Variants in NPSR1 observed in about 807,000 individuals in gnomAD.
NPSR1 encodes the protein neuropeptide S receptor 1.
NPSR1 carries 48 observed loss-of-function variants against 46.9 expected under a neutral mutation model. That is an observed-to-expected ratio of 1.02 (90% CI 0.81 to 1.30). The LOEUF (loss-of-function observed/expected upper bound fraction) is 1.30. NPSR1 is among the 50% of genes most tolerant of loss of function. The pLI is 0.00. For missense variants in NPSR1, 450 were observed against 449.5 expected, an observed-to-expected ratio of 1.00 and a Z score of -0.01; for synonymous variants, 176 against 168.1, an observed-to-expected ratio of 1.05 and a Z score of -0.36.
chr7:34,787,348 A>G lies in NPSR1; in HGVS notation c.384+8783A>G, dbSNP rs1323419997. 3.3e-5 allele frequency among the ~76,000 whole-genome samples: 5 copies of G among 152,236 alleles called. No homozygotes were observed. In the East Asian group the frequency reaches 9.6e-4, roughly 29 times the overall value. On this transcript the variant is annotated intron_variant, in intron 3 of 8. Coordinates refer to ENST00000360581, the MANE Select transcript of NPSR1 (RefSeq NM_207172.2). ...TCATAGAGGTGAAGAGAGTTTAAGAACTTGTTCTGGATTAGGCTTTGGCTT... is the reference window on the plus strand; with the variant it reads ...TCATAGAGGTGAAGAGAGTTTAAGAGCTTGTTCTGGATTAGGCTTTGGCTT...
intron 2 of NPSR1, among the ~76,000 whole-genome samples, chr7:34,691,183 G>A (rs1183561943): frequency 1.3e-5 from 2 of 152,136 alleles, no homozygotes; most frequent in Admixed American, 1.3e-4. Flanking sequence ...AATGCTAAGG[G>A]AATTTGTCAA....
chr7:34,693,145 T>C (rs1171905086), intron 2 of NPSR1, among the ~76,000 whole-genome samples: 2 of 152,086 alleles, frequency 1.3e-5, no homozygotes, highest in African/African-American at 4.8e-5. Flanking sequence ...TGCCTTCCAT[T>C]ATGATTGTAA....
chr7:34,689,937 C>T (rs1409592943), intron 2 of NPSR1, among the ~76,000 whole-genome samples: 1 of 150,152 alleles, frequency 6.7e-6, no homozygotes, highest in Non-Finnish European at 1.5e-5. Flanking sequence ...AAAGTGGGAC[C>T]CTGTCTCTAA....
intron 2 of NPSR1, among the ~76,000 whole-genome samples, chr7:34,698,374 T>G (rs1233969703): frequency 6.6e-6 from 1 of 152,212 alleles, no homozygotes; most frequent in African/African-American, 2.4e-5. Context: ...GGGCAGGGGT[T>G]GCAATCTCAA....
At chr7:34,824,869 C>T (rs1330777846) in intron 4 of NPSR1, among the ~76,000 whole-genome samples, 2 of 152,058 alleles carry the variant, frequency 1.3e-5, no homozygotes, top group Non-Finnish European at 2.9e-5. Context: ...TTCACACCCC[C>T]ACCATCAAGA....
At chr7:34,870,903 A>ATGGATGGATGG (rs1562780718) in intron 8 of NPSR1, among the ~76,000 whole-genome samples, 1 of 120,858 alleles carries the variant, frequency 8.3e-6, no homozygotes, top group African/African-American at 3.3e-5. Flanking sequence ...TGGATGGATG[A>ATGGATGGATGG]ATGGATGGAT....
At chr7:34,689,954 T>TA (rs1793162966) in intron 2 of NPSR1, among the ~76,000 whole-genome samples, 31 of 135,372 alleles carry the variant, frequency 2.3e-4, no homozygotes, top group African/African-American at 8.4e-4. Flanking sequence ...CTAAAAAAAA[T>TA]TAAAAAAAAA....
At chr7:34,790,892 ATATGT>A (rs1423421665) in intron 3 of NPSR1, among the ~76,000 whole-genome samples, 2 of 106,826 alleles carry the variant, frequency 1.9e-5, no homozygotes, top group East Asian at 2.7e-4. Context: ...TATATATCAT[ATATGT>A]TATATGTTAT....
At chr7:34,796,401 C>T (rs1163889325) in intron 3 of NPSR1, among the ~76,000 whole-genome samples, 1 of 151,972 alleles carries the variant, frequency 6.6e-6, no homozygotes, top group Non-Finnish European at 1.5e-5. Flanking sequence ...AAACCACAGA[C>T]TAAAGAGAAT....
At chr7:34,677,451 A>G (rs1792375696) in intron 1 of NPSR1, among the ~76,000 whole-genome samples, 1 of 152,218 alleles carries the variant, frequency 6.6e-6, no homozygotes, top group African/African-American at 2.4e-5. Context: ...CCAATGCAAA[A>G]CTACCCTGAG....
Position 34,737,945 on chromosome 7 carries a change from C to T in NPSR1, c.281-40517C>T, listed in dbSNP as rs1292017822. 2.0e-5 allele frequency among the ~76,000 whole-genome samples: 3 copies of T among 152,134 alleles called. No homozygotes were observed. The East Asian group carries it at 5.8e-4, about 29-fold the overall frequency. On this transcript the variant is annotated intron_variant, in intron 2 of 8. Transcript: ENST00000360581. Reference sequence around the variant, plus strand: ...CACAGACTATGTTTACTGCCTATATCCCACCACCGGAATGGAAACTCTGTC... The same window carrying T: ...CACAGACTATGTTTACTGCCTATATTCCACCACCGGAATGGAAACTCTGTC...
At chr7:34,658,630 T>C (rs1257349666) in intron 1 of NPSR1, 71 bp downstream of exon 1, 3 of 1,442,800 alleles carry the variant, frequency 2.1e-6, no homozygotes, top group Admixed American at 1.8e-5. Flanking sequence ...AGAGTGTCAA[T>C]TGAAGTATCA....
chr7:34,701,833 A>T (rs546196427), intron 2 of NPSR1, among the ~76,000 whole-genome samples: 1 of 152,346 alleles, frequency 6.6e-6, no homozygotes, highest in African/African-American at 2.4e-5. Flanking sequence ...CATGACCCAC[A>T]TCTTGAAAAC....
downstream of NPSR1, among the ~76,000 whole-genome samples, chr7:34,850,211 A>G (rs1455087878): frequency 6.6e-6 from 1 of 152,202 alleles, no homozygotes; most frequent in Non-Finnish European, 1.5e-5. Context: ...GTGTGCTGGC[A>G]GCAGCCAAGT....
chr7:34,669,484 G>T (rs1372790874), intron 1 of NPSR1, among the ~76,000 whole-genome samples: 1 of 151,786 alleles, frequency 6.6e-6, no homozygotes, highest in East Asian at 1.9e-4. Context: ...CAGGAGAATT[G>T]CTTGATCCCG....
At chr7:34,725,581 GTAGT>G (rs1261874309) in intron 2 of NPSR1, among the ~76,000 whole-genome samples, 3 of 152,186 alleles carry the variant, frequency 2.0e-5, no homozygotes, top group African/African-American at 7.2e-5. Context: ...AACTGCTCCT[GTAGT>G]TAAGAACATA....
chr7:34,760,963 G>C (rs967323837), intron 2 of NPSR1: 2 of 152,460 alleles, frequency 1.3e-5, no homozygotes, highest in African/African-American at 4.8e-5. Context: ...TCATCATCAC[G>C]TAGTAATTTC....
chr7:34,752,282 G>C (rs1283391737), intron 2 of NPSR1, among the ~76,000 whole-genome samples: 1 of 152,010 alleles, frequency 6.6e-6, no homozygotes. Context: ...AATCTAAATG[G>C]GTCCAGGTGC....
chr7:34,860,872 G>C (rs1278004599), intron 8 of NPSR1, among the ~76,000 whole-genome samples: 2 of 151,836 alleles, frequency 1.3e-5, no homozygotes, highest in Non-Finnish European at 2.9e-5. Context: ...CCTAGTTTTG[G>C]ACCATGCTTT....
Sources: gnomAD v4.1 joint callset for allele counts (sites outside exome capture counted in the v4.1 genomes callset) on GRCh38, gnomAD v4.1.1 for gene constraint, MANE v1.5 for transcripts, NCBI Gene and HGNC (gene_info 2026-07-23, HGNC 2026-07-21) for gene names.